FBXO25: variants seen among roughly 807,000 people sequenced by gnomAD.
FBXO25 encodes the protein F-box only protein 25.
Under a neutral mutation model 51.9 loss-of-function variants are expected in FBXO25, and 45 were observed. The observed-to-expected ratio is 0.87, with a 90% CI of 0.68 to 1.11. The LOEUF is 1.11. FBXO25 is among the 50% of genes most tolerant of loss of function. The probability of loss-of-function intolerance (pLI) is 0.00; values close to 1 mark genes in which losing one functional copy is unlikely to be tolerated. For synonymous variants in FBXO25, 199 were observed against 151.0 expected, an observed-to-expected ratio of 1.32 and a Z score of -2.33; for missense variants, 507 against 428.5, an observed-to-expected ratio of 1.18 and a Z score of -1.62.
chr8:408,200 G>A (rs1016776604), intron 1 of FBXO25, among the ~76,000 whole-genome samples: 1 of 152,080 alleles, frequency 6.6e-6, no homozygotes, highest in African/African-American at 2.4e-5. Flanking sequence ...AAACAAATAG[G>A]GAAACACATG....
intron 8 of FBXO25, among the ~76,000 whole-genome samples, chr8:462,781 C>G (rs1423703855): frequency 6.6e-6 from 1 of 152,102 alleles, no homozygotes; most frequent in Admixed American, 6.6e-5. Flanking sequence ...GGATGAAACA[C>G]TACATGTTGG....
chr8:462,032 G>A (rs1374682603), intron 8 of FBXO25, among the ~76,000 whole-genome samples: 5 of 152,192 alleles, frequency 3.3e-5, no homozygotes, highest in Admixed American at 1.3e-4. Context: ...GAATGGCTGA[G>A]TCATATGGTG....
intron 4 of FBXO25, chr8:435,395 A>G (rs1405997699): frequency 7.3e-6 from 4 of 551,200 alleles, no homozygotes; most frequent in Non-Finnish European, 1.3e-5. Context: ...AGCAGGTTGT[A>G]AAAAATGTCA....
chr8:450,035 G>A lies in FBXO25; in HGVS notation c.427G>A (p.Val143Met). Residue 143 changes from valine to methionine, a missense_variant, in exon 6 of 10, where the codon GTG becomes ATG. By Grantham distance (21) the Val-to-Met change is conservative. Coordinates refer to ENST00000350302, the MANE Select transcript of FBXO25 (RefSeq NM_183420.2). ...AKSQLTSLSGVAQKNYFNILD... is the reference protein window; with the variant it reads ...AKSQLTSLSGMAQKNYFNILD... ...ATCCCAGTTAACTTCATTGAGTGGC[G>A]TGGCACAGAAGAATTACTTCAACAT... 5 of 1,613,152 alleles carry A rather than the reference G, an allele frequency of 3.1e-6. No individual in the cohort carries two copies. The highest frequency in any genetic ancestry group is 3.4e-6 in the Non-Finnish European group (4 of 1,179,670).
intron 9 of FBXO25, among the ~76,000 whole-genome samples, chr8:464,802 TGAG>T: frequency 6.6e-6 from 1 of 152,238 alleles, no homozygotes; most frequent in Non-Finnish European, 1.5e-5. Flanking sequence ...TACATGAATA[TGAG>T]ATTTTATTTC....
At position 451,160 on chromosome 8, in the gene FBXO25, G is replaced by A. The variant is rs969325730; in HGVS notation, c.476-109G>A. ...ATTCTATTGCATGTATAGATCACAC[G>A]TTGTTTGTCTGTTCGTCTATCAGTG... On this transcript the variant is annotated intron_variant, in intron 6 of 9. Transcript: ENST00000350302. 1.4e-5 allele frequency: 12 copies of A among 852,538 alleles called. No homozygotes were observed. The East Asian group carries it at 2.3e-4, about 17-fold the overall frequency. 52.8% of individuals were successfully genotyped at this position (852,538 alleles called of 1,614,324 possible). A position where few individuals can be genotyped will look rare whatever the true frequency, so the allele number is the denominator to read the frequency against.
chr8:469,081 A>G lies in FBXO25; in HGVS notation c.*277A>G. The G allele has an allele frequency of 3.1e-6, 1 of 323,398 alleles. No individual in the cohort carries two copies. Among genetic ancestry groups the G allele is most frequent in the Non-Finnish European group, 5.6e-6 (1 of 179,706 alleles). 20.0% of individuals were successfully genotyped at this position (323,398 alleles called of 1,614,324 possible). Reference sequence around the variant, plus strand: ...CTCTCTCTCTCTATATATATAGTTCAAAAATACTTTAGGTGGTCAGCTCCA... The same window carrying G: ...CTCTCTCTCTCTATATATATAGTTCGAAAATACTTTAGGTGGTCAGCTCCA... On this transcript the variant is annotated 3_prime_UTR_variant, in exon 10 of 10. Coordinates refer to ENST00000350302, the MANE Select transcript of FBXO25 (RefSeq NM_183420.2).
chr8:451,554 A>T (rs1799097472), intron 7 of FBXO25, 101 bp downstream of exon 7: 1 of 1,107,174 alleles, frequency 9.0e-7, no homozygotes, highest in South Asian at 1.5e-5. Context: ...TTTTTGAAAG[A>T]TTTTCTAATG....
chr8:417,510 A>C (rs1032216852), intron 2 of FBXO25, among the ~76,000 whole-genome samples: 5 of 152,186 alleles, frequency 3.3e-5, no homozygotes, highest in African/African-American at 1.2e-4. Flanking sequence ...TGAGACTAAG[A>C]CTTTGGCCTG....
intron 1 of FBXO25, among the ~76,000 whole-genome samples, chr8:408,785 A>G (rs1796319701): frequency 6.6e-6 from 1 of 152,244 alleles, no homozygotes; most frequent in Non-Finnish European, 1.5e-5. Flanking sequence ...TGAAATAGAA[A>G]TTAAGGGAAG....
At position 445,364 on chromosome 8, in the gene FBXO25, C is replaced by G. The variant is rs913894497; in HGVS notation, c.382-4626C>G. 3.9e-5 allele frequency among the ~76,000 whole-genome samples: 6 copies of G among 152,282 alleles called. No homozygotes were observed. The Middle Eastern group carries it at 0.01, about 259-fold the overall frequency. ...CGGGAAGACCTTATCTCCCAGGGAACACATATTCTCTGTTCTGGTATTTCT... is the reference window on the plus strand; with the variant it reads ...CGGGAAGACCTTATCTCCCAGGGAAGACATATTCTCTGTTCTGGTATTTCT... On this transcript the variant is annotated intron_variant, in intron 5 of 9. Transcript: ENST00000350302.
chr8:409,321 A>T (rs555695525), intron 1 of FBXO25, among the ~76,000 whole-genome samples: 2 of 152,342 alleles, frequency 1.3e-5, no homozygotes, highest in Non-Finnish European at 2.9e-5. Context: ...CTTCAGAGAA[A>T]CAAATCTTTT....
At chr8:444,531 G>C (rs1798619561) in intron 5 of FBXO25, among the ~76,000 whole-genome samples, 1 of 151,888 alleles carries the variant, frequency 6.6e-6, no homozygotes, top group Non-Finnish European at 1.5e-5. Flanking sequence ...CTTTATAATT[G>C]ATTTTTATAA....
At chr8:435,561 T>G in intron 4 of FBXO25, 54 bp from the exon 5 acceptor site, 1 of 1,580,232 alleles carries the variant, frequency 6.3e-7, no homozygotes, top group Non-Finnish European at 8.5e-7. Flanking sequence ...TGACATTAAC[T>G]GCCAATTCTT....
intron 7 of FBXO25, among the ~76,000 whole-genome samples, chr8:451,785 C>G (rs1287382228): frequency 1.3e-5 from 2 of 152,120 alleles, no homozygotes; most frequent in Admixed American, 1.3e-4. Flanking sequence ...GCCAGTAATT[C>G]TCTATTTATT....
chr8:448,683 AG>A (rs1457135688), intron 5 of FBXO25, among the ~76,000 whole-genome samples: 1 of 152,222 alleles, frequency 6.6e-6, no homozygotes, highest in Non-Finnish European at 1.5e-5. Flanking sequence ...AGTGGAGGGC[AG>A]AGGAGAAAAG....
chr8:412,974 T>C, intron 1 of FBXO25, 99 bp from the exon 2 acceptor site: 1 of 1,019,304 alleles, frequency 9.8e-7, no homozygotes, highest in South Asian at 2.4e-5. Flanking sequence ...GACATTTAAA[T>C]GTTAAGAACT....
At chr8:433,258 G>A (rs573182136) in intron 4 of FBXO25, among the ~76,000 whole-genome samples, 1 of 151,792 alleles carries the variant, frequency 6.6e-6, no homozygotes, top group African/African-American at 2.4e-5. Context: ...TGGTGTGTGG[G>A]ATGTATGGTG....
intron 2 of FBXO25, among the ~76,000 whole-genome samples, chr8:422,383 C>G (rs899542789): frequency 6.6e-6 from 1 of 152,208 alleles, no homozygotes; most frequent in African/African-American, 2.4e-5. Flanking sequence ...TTGACCGGTA[C>G]TCTTCAAGGT....
Sources: gnomAD v4.1 joint callset for allele counts (sites outside exome capture counted in the v4.1 genomes callset) on GRCh38, gnomAD v4.1.1 for gene constraint, MANE v1.5 for transcripts, NCBI Gene and HGNC (gene_info 2026-07-23, HGNC 2026-07-21) for gene names.